Variants in ZNF736 observed in about 807,000 individuals in gnomAD.
The protein encoded by ZNF736 is zinc finger protein 736, also known as KRAB-containing zinc-finger repressor protein.
A neutral mutation model predicts 11.7 loss-of-function variants in ZNF736; 6 were observed. The ratio of observed to expected loss-of-function variants is 0.51; its 90% CI spans 0.28 to 1.01. The LOEUF (loss-of-function observed/expected upper bound fraction) is 1.01. Among genes scored for constraint, ZNF736 ranks in the 50% least tolerant of loss-of-function variants. The pLI, the probability that ZNF736 is intolerant of heterozygous loss-of-function variation, is 0.09. For missense variants in ZNF736, 444 were observed against 496.0 expected, an observed-to-expected ratio of 0.90 and a Z score of 1.00; for synonymous variants, 139 against 164.7, an observed-to-expected ratio of 0.84 and a Z score of 1.19.
intron 3 of ZNF736, among the ~76,000 whole-genome samples, chr7:64,347,671 C>T (rs1789430124): frequency 6.6e-6 from 1 of 152,188 alleles, no homozygotes; most frequent in South Asian, 2.1e-4. Flanking sequence ...CCTTTCCTTT[C>T]AACACTGTCA....
rs530712297 is a variant in ZNF736 at position 64,348,917 on chromosome 7, C to T, written c.1054C>T (p.Arg352Cys). ...ICEECGKAFT[R>C]SSTLFNHKRI... ...TGAAGAATGTGGCAAAGCCTTTACC[C>T]GCTCCTCAACCCTTTTTAACCACAA... Residue 352 changes from arginine (R) to cysteine (C), a missense_variant, in exon 4 of 4, where the codon CGC becomes TGC. Coordinates refer to ENST00000423484, the MANE Select transcript of ZNF736 (RefSeq NM_001170905.3). 4.4e-5 allele frequency: 70 copies of T among 1,603,372 alleles called. No individual in the cohort carries two copies. The highest frequency in any genetic ancestry group is 3.4e-4 in the African/African-American group (25 of 74,162).
chr7:64,315,984 G>A lies in ZNF736; in HGVS notation c.3+1831G>A, dbSNP rs565081066. ...GCAAAGAGTAGTCACCTGACACTGC[G>A]CATCTCCTCTCATCTTCTCTAGGCA... On this transcript the variant is annotated intron_variant, in intron 1 of 3. Coordinates refer to ENST00000423484, the MANE Select transcript of ZNF736 (RefSeq NM_001170905.3). Among the ~76,000 whole-genome samples the A allele has an allele frequency of 7.2e-4, 109 of 152,248 alleles. 1 individual carries two copies. The highest frequency in any genetic ancestry group is 2.4e-3 in the African/African-American group (100 of 41,538).
At chr7:64,329,000 C>T (rs1789121457) in intron 1 of ZNF736, among the ~76,000 whole-genome samples, 1 of 151,126 alleles carries the variant, frequency 6.6e-6, no homozygotes, top group Non-Finnish European at 1.5e-5. Context: ...TTCAAATAAC[C>T]TGTGTTCAAA....
chr7:64,337,840 C>T lies in ZNF736; in HGVS notation c.226+858C>T, dbSNP rs576989571. On this transcript the variant is annotated intron_variant, in intron 3 of 3. Transcript: ENST00000423484. ...CACGATCTCGGCTCCCTGCAACCTC[C>T]GCCTCCCAGGTTCAAGCGATTCTTC... Among the ~76,000 whole-genome samples the T allele has an allele frequency of 3.7e-4, 56 of 150,036 alleles. 1 individual carries two copies. Among genetic ancestry groups the T allele is most frequent in the Admixed American group, 1.7e-3 (26 of 14,962 alleles).
chr7:64,330,665 T>C (rs763489947), intron 1 of ZNF736, among the ~76,000 whole-genome samples: 33 of 152,146 alleles, frequency 2.2e-4, no homozygotes, highest in Non-Finnish European at 4.4e-4. Context: ...TGGATTGCAC[T>C]GTACTGGGTC....
chr7:64,328,494 C>T (rs1789112719), intron 1 of ZNF736, among the ~76,000 whole-genome samples: 1 of 152,122 alleles, frequency 6.6e-6, no homozygotes, highest in South Asian at 2.1e-4. Flanking sequence ...GGCGCGGTGG[C>T]TCACGCCTGT....
chr7:64,323,215 C>G (rs969303819), intron 1 of ZNF736, among the ~76,000 whole-genome samples: 3 of 152,026 alleles, frequency 2.0e-5, no homozygotes, highest in African/African-American at 7.2e-5. Flanking sequence ...TGTATCTTTA[C>G]CATATTATGG....
At chr7:64,316,044 C>T (rs890402155) in intron 1 of ZNF736, among the ~76,000 whole-genome samples, 2 of 152,176 alleles carry the variant, frequency 1.3e-5, no homozygotes, top group African/African-American at 4.8e-5. Flanking sequence ...GGATCCTTTG[C>T]AGGGTGATGT....
chr7:64,325,709 T>C (rs1386458772), intron 1 of ZNF736, among the ~76,000 whole-genome samples: 1 of 152,234 alleles, frequency 6.6e-6, no homozygotes, highest in Non-Finnish European at 1.5e-5. Context: ...GTAAATTTAT[T>C]TTGTGTCTCT....
intron 1 of ZNF736, 142 bp downstream of exon 1, chr7:64,314,295 T>A: frequency 9.1e-7 from 1 of 1,093,996 alleles, no homozygotes; most frequent in Non-Finnish European, 1.3e-6. Context: ...AGCTCAATCC[T>A]CATTTCCCTC....
chr7:64,340,866 T>C (rs1789327063), intron 3 of ZNF736, among the ~76,000 whole-genome samples: 1 of 152,206 alleles, frequency 6.6e-6, no homozygotes, highest in Non-Finnish European at 1.5e-5. Context: ...TTTTTTTTCA[T>C]CACTTCGAAA....
intron 1 of ZNF736, among the ~76,000 whole-genome samples, chr7:64,323,463 A>G (rs1789029972): frequency 6.6e-6 from 1 of 152,216 alleles, no homozygotes; most frequent in African/African-American, 2.4e-5. Flanking sequence ...TACTATTCAC[A>G]ATAGCAAAGA....
rs1789448642 is a variant in ZNF736, at chr7:64,348,861, G to T, written c.998G>T (p.Arg333Ile). 1 of 1,605,574 alleles carries T rather than the reference G, an allele frequency of 6.2e-7. No individual in the cohort carries two copies. Among genetic ancestry groups the T allele is most frequent in the Non-Finnish European group, 8.5e-7 (1 of 1,175,850 alleles). Residue 333 changes from arginine (R) to isoleucine (I), a missense_variant, in exon 4 of 4, where the codon AGA becomes ATA. Coordinates refer to ENST00000423484, the MANE Select transcript of ZNF736 (RefSeq NM_001170905.3). ...KWFSALSKHKRIHTGEKPYIC... is the reference protein window; with the variant it reads ...KWFSALSKHKIIHTGEKPYIC... ...TTCTCGGCCCTTAGTAAACATAAGA[G>T]AATTCATACTGGAGAGAAACCCTAC...
chr7:64,315,371 G>GTT (rs540369729), intron 1 of ZNF736, among the ~76,000 whole-genome samples: 1 of 143,524 alleles, frequency 7.0e-6, no homozygotes, highest in Admixed American at 7.0e-5. Flanking sequence ...ACAAAAGGTT[G>GTT]TTTTTTTTTT....
chr7:64,324,546 A>G (rs955493449), intron 1 of ZNF736, among the ~76,000 whole-genome samples: 6 of 152,202 alleles, frequency 3.9e-5, no homozygotes, highest in African/African-American at 1.2e-4. Context: ...ACACATGCAC[A>G]CTATATAATA....
intron 1 of ZNF736, among the ~76,000 whole-genome samples, chr7:64,333,420 A>G (rs1225856280): frequency 1.3e-5 from 2 of 152,156 alleles, no homozygotes; most frequent in Non-Finnish European, 2.9e-5. Context: ...TCGAACATGG[A>G]AGGGTGTGGA....
chr7:64,318,994 T>G (rs1788955990), intron 1 of ZNF736, among the ~76,000 whole-genome samples: 2 of 152,106 alleles, frequency 1.3e-5, no homozygotes, highest in Non-Finnish European at 2.9e-5. Context: ...GAAGTTTCCT[T>G]TAGTTGTCCT....
intron 1 of ZNF736, among the ~76,000 whole-genome samples, chr7:64,322,255 A>G (rs1463051388): frequency 6.6e-6 from 1 of 152,136 alleles, no homozygotes; most frequent in South Asian, 2.1e-4. Context: ...TTTTCATATA[A>G]TAGCCATTCT....
In ZNF736 at chr7:64,355,867, A is replaced by G; in HGVS notation, c.*6720A>G. ...TACTGGAAGGTAGAGGTGGGAAACA[A>G]GCCTAAATGAAAATTAGGTGTGTGT... On this transcript the variant is annotated 3_prime_UTR_variant, in exon 4 of 4. Transcript: ENST00000423484. 1 of 182,076 alleles carries G rather than the reference A, an allele frequency of 5.5e-6. No homozygotes were observed. Among genetic ancestry groups the G allele is most frequent in the South Asian group, 1.2e-4 (1 of 8,040 alleles). 11.3% of individuals were successfully genotyped at this position (182,076 alleles called of 1,614,324 possible). A position where few individuals can be genotyped will look rare whatever the true frequency, so the allele number is the denominator to read the frequency against.
Sources: allele counts gnomAD v4.1 joint callset (sites outside exome capture counted in the v4.1 genomes callset), GRCh38; gene constraint gnomAD v4.1.1; transcripts MANE v1.5; gene names NCBI Gene and HGNC (gene_info 2026-07-23, HGNC 2026-07-21).